COX7A2L: variants seen among roughly 807,000 people sequenced by gnomAD.
COX7A2L encodes cytochrome c oxidase subunit 7A2-like, mitochondrial.
A neutral mutation model predicts 14.2 loss-of-function variants in COX7A2L; 18 were observed. The observed-to-expected ratio is 1.27, with a 90% CI of 0.88 to 1.88. The LOEUF (loss-of-function observed/expected upper bound fraction) is 1.88. Among genes scored for constraint, COX7A2L ranks in the 40% most tolerant of loss-of-function variants. The pLI is 0.00. For missense variants in COX7A2L, 179 were observed against 138.8 expected, an observed-to-expected ratio of 1.29 and a Z score of -1.46; for synonymous variants, 65 against 57.4, an observed-to-expected ratio of 1.13 and a Z score of -0.60.
chr2:42,361,232 G>C (rs759674646), upstream of COX7A2L: 2 of 1,449,818 alleles, frequency 1.4e-6, no homozygotes, highest in Non-Finnish European at 1.9e-6. Flanking sequence ...CGCCTCCCCG[G>C]CTGTGGTCCC....
At chr2:42,341,884 A>G (rs1399574008) in intron 2 of COX7A2L, among the ~76,000 whole-genome samples, 2 of 152,208 alleles carry the variant, frequency 1.3e-5, no homozygotes, top group Non-Finnish European at 2.9e-5. Flanking sequence ...ATTTCCTGGG[A>G]GCAAGTCTAG....
intron 2 of COX7A2L, 35 bp downstream of exon 2, chr2:42,353,177 C>T (rs1670701330): frequency 1.3e-6 from 2 of 1,598,224 alleles, no homozygotes; most frequent in Non-Finnish European, 1.7e-6. Flanking sequence ...CTATTTATTT[C>T]ACAGGCTTTT....
chr2:42,340,970 G>C (rs72798537), intron 2 of COX7A2L, among the ~76,000 whole-genome samples: 1 of 152,154 alleles, frequency 6.6e-6, no homozygotes, highest in Non-Finnish European at 1.5e-5. Flanking sequence ...CAAAGAAAGC[G>C]AGCTCACCTC....
At position 42,353,215 on chromosome 2, in the gene COX7A2L, GAA is replaced by G; in HGVS notation, c.199_200del (p.Phe67ProfsTer4). 1 of 1,613,836 alleles carries G rather than the reference GAA, an allele frequency of 6.2e-7. No homozygotes were observed. The highest frequency in any genetic ancestry group is 8.5e-7 in the Non-Finnish European group (1 of 1,179,964). On this transcript the variant is annotated frameshift_variant, in exon 2 of 3. Transcript: ENST00000234301. LOFTEE classifies it high-confidence loss of function. ...GTTGTAGAGTATCTTCCCTCACCTG[GAA>G]AAACTTTTGTAGCTCTGGAACTTTG... ...KNKVPELQKF[F>X]QKADGVPVYL...
At chr2:42,362,924 G>C (rs1057348559), upstream of COX7A2L, among the ~76,000 whole-genome samples, 14 of 150,306 alleles carry the variant, frequency 9.3e-5, no homozygotes, top group African/African-American at 3.4e-4. Flanking sequence ...TCCCAGGCTG[G>C]AGTACAGTGG....
rs1032065216 is a variant in COX7A2L at position 42,339,345 on chromosome 2, C to T, written c.193-5476G>A. 3.9e-5 allele frequency among the ~76,000 whole-genome samples: 6 copies of T among 152,148 alleles called. No individual in the cohort carries two copies. The East Asian group carries it at 1.2e-3, about 29-fold the overall frequency. ...CTTGCTCCTCCATGTCCTGATTCAACGCTAGGCTCCGTTCCACACCACTCA... is the reference window on the plus strand; with the variant it reads ...CTTGCTCCTCCATGTCCTGATTCAATGCTAGGCTCCGTTCCACACCACTCA... On this transcript the variant is annotated intron_variant, in intron 2 of 2. Transcript: ENST00000468711. The surrounding 1 kb of genome is among the most constrained non-coding windows in gnomAD (Gnocchi z 5.4).
intron 1 of COX7A2L, among the ~76,000 whole-genome samples, chr2:42,355,714 G>GTTTTTT (rs1254293234): frequency 3.3e-4 from 27 of 82,854 alleles, no homozygotes; most frequent in Non-Finnish European, 4.7e-4. Flanking sequence ...AAAATCCTAC[G>GTTTTTT]TTCTTTTTTT....
At chr2:42,340,654 C>T (rs937816069) in intron 2 of COX7A2L, among the ~76,000 whole-genome samples, 3 of 152,228 alleles carry the variant, frequency 2.0e-5, no homozygotes, top group South Asian at 2.1e-4. Context: ...CAGTGCATGC[C>T]TTCCCCATGT....
chr2:42,361,553 G>A (rs867076783), upstream of COX7A2L: 8 of 168,272 alleles, frequency 4.8e-5, no homozygotes, highest in Middle Eastern at 5.1e-3. Context: ...GCTTTAGGAG[G>A]GGCGGGCTCC....
chr2:42,337,013 AT>A (rs1249231648), intron 2 of COX7A2L, among the ~76,000 whole-genome samples: 5 of 152,228 alleles, frequency 3.3e-5, no homozygotes, highest in Non-Finnish European at 5.9e-5. Flanking sequence ...ATATTTTAGA[AT>A]TGGATTAGAG....
rs2103885646 is a variant in COX7A2L, at chr2:42,350,574, A to G, written c.*645T>C. 1 of 152,334 alleles carries G rather than the reference A, an allele frequency of 6.6e-6. No individual in the cohort carries two copies. Among genetic ancestry groups the G allele is most frequent in the Admixed American group, 6.5e-5 (1 of 15,308 alleles). The allele number at this position is 152,334 out of a possible 1,614,324, so 9.4% of individuals were successfully genotyped here. A position where few individuals can be genotyped will look rare whatever the true frequency, so the allele number is the denominator to read the frequency against. On this transcript the variant is annotated 3_prime_UTR_variant, in exon 3 of 3. Transcript: ENST00000234301. The stretch of plus-strand genomic sequence containing the variant: ...AAGCTATAACATTTTTAAAAGATAA[A>G]GGAGAATTTGTGGCACAGCTGCATT...
At chr2:42,355,256 A>G (rs1670780192) in intron 1 of COX7A2L, among the ~76,000 whole-genome samples, 1 of 152,250 alleles carries the variant, frequency 6.6e-6, no homozygotes, top group Admixed American at 6.5e-5. Flanking sequence ...AAGGCTAACA[A>G]GAATCATGGT....
chr2:42,362,323 T>C (rs1043328239), upstream of COX7A2L, among the ~76,000 whole-genome samples: 18 of 152,264 alleles, frequency 1.2e-4, no homozygotes, highest in African/African-American at 3.9e-4. Flanking sequence ...AGCTTCATCA[T>C]CTAACCATAG....
chr2:42,353,456 C>T (rs2103893583), intron 1 of COX7A2L, 113 bp from the exon 2 acceptor site: 2 of 1,373,574 alleles, frequency 1.5e-6, no homozygotes, highest in Non-Finnish European at 2.0e-6. Flanking sequence ...TCCAACTTTC[C>T]CAGAGCAAAC....
intron 1 of COX7A2L, among the ~76,000 whole-genome samples, chr2:42,356,457 G>A (rs957693539): frequency 5.3e-5 from 8 of 152,146 alleles, no homozygotes; most frequent in South Asian, 2.1e-4. Context: ...AAAAGCAACC[G>A]GCAGAGTAAG....
In COX7A2L at chr2:42,339,125, T is replaced by C. The variant is rs547970676; in HGVS notation, c.193-5256A>G. Among the ~76,000 whole-genome samples the C allele has an allele frequency of 1.1e-4, 17 of 152,366 alleles. No individual in the cohort carries two copies. The highest frequency in any genetic ancestry group is 3.8e-4 in the African/African-American group (16 of 41,592). On this transcript the variant is annotated intron_variant, in intron 2 of 2. Transcript: ENST00000468711. This position sits in a 1 kb window ranked among gnomAD's most constrained non-coding sequence, Gnocchi z 5.4. ...ACCATGCCAAAGCTGAAGTGGTTTCTATGGGAAACTCTCACAATAAAATAG... is the reference window on the plus strand; with the variant it reads ...ACCATGCCAAAGCTGAAGTGGTTTCCATGGGAAACTCTCACAATAAAATAG...
chr2:42,336,091 T>C (rs1670264690), intron 2 of COX7A2L, among the ~76,000 whole-genome samples: 1 of 152,212 alleles, frequency 6.6e-6, no homozygotes, highest in South Asian at 2.1e-4. Flanking sequence ...GCAATTTCCA[T>C]TTCACTGAGC....
At chr2:42,359,344 G>T (rs1411424286) in intron 1 of COX7A2L, 1 of 152,246 alleles carries the variant, frequency 6.6e-6, no homozygotes, top group Non-Finnish European at 1.5e-5. Flanking sequence ...GGGATTGACA[G>T]AGGGTACAAG....
upstream of COX7A2L, among the ~76,000 whole-genome samples, chr2:42,365,464 T>C (rs569743219): frequency 1.6e-4 from 25 of 152,024 alleles, no homozygotes; most frequent in Non-Finnish European, 8.8e-5. Context: ...CCATCTCTAC[T>C]ACAAATACAA....
Sources: gnomAD v4.1 joint callset for allele counts (sites outside exome capture counted in the v4.1 genomes callset) on GRCh38, gnomAD v4.1.1 for gene constraint, Gnocchi (gnomAD v3.1) non-coding constraint, MANE v1.5 for transcripts, NCBI Gene and HGNC (gene_info 2026-07-23, HGNC 2026-07-21) for gene names.